The following SAMTOR variants were observed in gnomAD, a reference collection of about 807,000 sequenced individuals.
SAMTOR encodes the protein UPF0532 protein C7orf60.
chr7:112,865,650 C>CAT, the SAMTOR span, among the ~76,000 whole-genome samples: 3 of 136,524 alleles, frequency 2.2e-5, no homozygotes, highest in South Asian at 2.3e-4. Context: ...TACATATATT[C>CAT]ATATATATAT....
the SAMTOR span, among the ~76,000 whole-genome samples, chr7:112,898,719 C>T: frequency 6.6e-6 from 1 of 152,312 alleles, no homozygotes; most frequent in Non-Finnish European, 1.5e-5. Context: ...TCACTTCTTC[C>T]CCAACTCTGG....
At chr7:112,865,342 A>G in the SAMTOR span, among the ~76,000 whole-genome samples, 27 of 151,976 alleles carry the variant, frequency 1.8e-4, no homozygotes, top group African/African-American at 6.3e-4. Context: ...CAGTGGTGCA[A>G]TCTCAGCTCA....
At chr7:112,895,895 C>T in the SAMTOR span, among the ~76,000 whole-genome samples, 1 of 152,270 alleles carries the variant, frequency 6.6e-6, no homozygotes, top group African/African-American at 2.4e-5. Context: ...CACCTTGTAG[C>T]ACTTTCAAAT....
the SAMTOR span, chr7:112,822,102 G>A: frequency 6.2e-7 from 1 of 1,613,768 alleles, no homozygotes; most frequent in African/African-American, 1.3e-5. Flanking sequence ...CATCATCATA[G>A]CATGACGGTT....
chr7:112,863,863 A>G, the SAMTOR span, among the ~76,000 whole-genome samples: 1 of 152,222 alleles, frequency 6.6e-6, no homozygotes, highest in Non-Finnish European at 1.5e-5. Flanking sequence ...TGATTCCTCA[A>G]TGAACAAAAG....
the SAMTOR span, among the ~76,000 whole-genome samples, chr7:112,856,938 C>A: frequency 6.6e-6 from 1 of 152,106 alleles, no homozygotes; most frequent in African/African-American, 2.4e-5. Context: ...TAGGTTCATT[C>A]ATTCCCTAAA....
At chr7:112,890,380 A>G in the SAMTOR span, among the ~76,000 whole-genome samples, 1 of 148,938 alleles carries the variant, frequency 6.7e-6, no homozygotes, top group African/African-American at 2.6e-5. Flanking sequence ...CACCTCTGAA[A>G]AAAACACTAA....
chr7:112,883,954 T>C, the SAMTOR span, among the ~76,000 whole-genome samples: 2 of 152,200 alleles, frequency 1.3e-5, no homozygotes, highest in Non-Finnish European at 2.9e-5. Flanking sequence ...ATAGGTTTAA[T>C]TGACTCACAA....
At chr7:112,862,292 G>A in the SAMTOR span, among the ~76,000 whole-genome samples, 1 of 152,114 alleles carries the variant, frequency 6.6e-6, no homozygotes, top group Non-Finnish European at 1.5e-5. Flanking sequence ...ACATGGAAGA[G>A]ATCTTCTAGG....
At chr7:112,851,543 T>A in the SAMTOR span, among the ~76,000 whole-genome samples, 50 of 152,230 alleles carry the variant, frequency 3.3e-4, no homozygotes, top group Non-Finnish European at 5.0e-4. Context: ...AAAAATTAAC[T>A]GAAGATTGAT....
the SAMTOR span, among the ~76,000 whole-genome samples, chr7:112,923,268 G>A: frequency 1.3e-5 from 2 of 152,022 alleles, no homozygotes; most frequent in African/African-American, 4.8e-5. Flanking sequence ...TTAAACAGAT[G>A]CTTGAAGGCA....
the SAMTOR span, chr7:112,821,505 T>C: frequency 2.7e-6 from 1 of 368,830 alleles, no homozygotes; most frequent in Admixed American, 4.3e-5. Context: ...ATGATAGTGC[T>C]AAATGCTAAA....
chr7:112,912,848 T>C, the SAMTOR span, among the ~76,000 whole-genome samples: 1 of 152,114 alleles, frequency 6.6e-6, no homozygotes, highest in Non-Finnish European at 1.5e-5. Context: ...AGACTGAAGT[T>C]TGAGGCAGAT....
the SAMTOR span, chr7:112,895,590 GTAAAGCTGAGGTTGGT>G: frequency 6.4e-7 from 1 of 1,566,150 alleles, no homozygotes. Context: ...TTCAGGGTTT[GTAAAGCTGAGGTTGGT>G]TAAATGACCT....
the SAMTOR span, among the ~76,000 whole-genome samples, chr7:112,903,688 A>G: frequency 2.0e-5 from 3 of 152,336 alleles, no homozygotes; most frequent in African/African-American, 7.2e-5. Context: ...AAGGACCCAG[A>G]GGAGAAAGAG....
At chr7:112,939,686 G>A in the SAMTOR span, 87 of 1,612,436 alleles carry the variant, frequency 5.4e-5, no homozygotes, top group Non-Finnish European at 7.2e-5. Context: ...CCGGGGCGGC[G>A]GAGTGTTCGG....
At chr7:112,923,344 A>G in the SAMTOR span, among the ~76,000 whole-genome samples, 10 of 152,176 alleles carry the variant, frequency 6.6e-5, no homozygotes, top group Admixed American at 5.9e-4. Flanking sequence ...ACACTGCGGA[A>G]GGCTGCAGGG....
chr7:112,841,017 T>C, the SAMTOR span, among the ~76,000 whole-genome samples: 3 of 152,016 alleles, frequency 2.0e-5, no homozygotes, highest in South Asian at 2.1e-4. Context: ...CTCTGAAAAC[T>C]GGCACATGAC....
At chr7:112,871,067 C>A in the SAMTOR span, among the ~76,000 whole-genome samples, 3 of 152,094 alleles carry the variant, frequency 2.0e-5, no homozygotes, top group Non-Finnish European at 2.9e-5. Context: ...ACTCAGACAG[C>A]CACAGGGTAA....
Sources: gnomAD v4.1 joint callset for allele counts (sites outside exome capture counted in the v4.1 genomes callset) on GRCh38, gnomAD v4.1.1 for gene constraint, MANE v1.5 for transcripts, NCBI Gene and HGNC (gene_info 2026-07-23, HGNC 2026-07-21) for gene names.